Variants in PATJ observed in about 807,000 individuals in gnomAD.
PATJ encodes the protein inaD-like protein.
In PATJ, 190 loss-of-function variants were observed where a neutral mutation model predicts 224.9. That is an observed-to-expected ratio of 0.84 (90% CI 0.75 to 0.95). The LOEUF is 0.95. Among genes scored for constraint, PATJ ranks in the 40% least tolerant of loss-of-function variants. PATJ has a pLI of 0.00. For synonymous variants in PATJ, 769 were observed against 820.3 expected (o/e 0.94, Z 1.07); for missense variants, 2,121 against 2,270.3 (o/e 0.93, Z 1.34).
chr1:62,149,134 A>C (rs1302821841), intron 42 of PATJ, among the ~76,000 whole-genome samples: 3 of 149,168 alleles, frequency 2.0e-5, no homozygotes, highest in African/African-American at 7.5e-5. Flanking sequence ...ATCTCAAAAA[A>C]AAAAAAAAAA....
intron 20 of PATJ, 33 bp downstream of exon 20, chr1:61,864,666 C>A: frequency 6.5e-7 from 1 of 1,546,726 alleles, no homozygotes; most frequent in South Asian, 1.2e-5. Context: ...CCACACCTCC[C>A]CTTCTGCTCT....
rs149708780 is a variant in PATJ at position 61,881,174 on chromosome 1, A to G, written c.2960-3063A>G. Among the ~76,000 whole-genome samples, 585 of 152,252 alleles carry G rather than the reference A, an allele frequency of 3.8e-3. 5 individuals carry two copies. The highest frequency in any genetic ancestry group is 5.9e-3 in the Non-Finnish European group (400 of 68,022). ...CCTAAGGCACTATTTGTTGTTCTCT[A>G]TTTTCTAGAATTACAGACAGAGAAA... On this transcript the variant is annotated intron_variant, in intron 21 of 43. Coordinates refer to ENST00000642238, the MANE Select transcript of PATJ (RefSeq NM_001350145.3).
chr1:61,791,630 G>A (rs1030784316), intron 9 of PATJ, among the ~76,000 whole-genome samples, 183 bp downstream of exon 9: 2 of 152,046 alleles, frequency 1.3e-5, no homozygotes, highest in African/African-American at 4.8e-5. Context: ...TAGTTTTATA[G>A]CTGGCTTGAT....
intron 20 of PATJ, among the ~76,000 whole-genome samples, chr1:61,869,725 G>A (rs995721117): frequency 6.6e-6 from 1 of 152,204 alleles, no homozygotes; most frequent in Non-Finnish European, 1.5e-5. Flanking sequence ...GTGTGTGAGT[G>A]AACAAGGTGG....
chr1:61,967,216 C>CA (rs950885667), intron 27 of PATJ, among the ~76,000 whole-genome samples: 21 of 152,316 alleles, frequency 1.4e-4, no homozygotes, highest in African/African-American at 5.1e-4. Context: ...TTAATACTTG[C>CA]AAATCAAGCA....
chr1:62,097,661 GC>G (rs1048259620), intron 33 of PATJ, among the ~76,000 whole-genome samples: 15 of 152,306 alleles, frequency 9.8e-5, no homozygotes, highest in Middle Eastern at 6.8e-3. Flanking sequence ...ATAATGTAAA[GC>G]AGAAGAACTG....
At chr1:61,920,673 C>T (rs1674161461) in intron 26 of PATJ, among the ~76,000 whole-genome samples, 2 of 146,598 alleles carry the variant, frequency 1.4e-5, no homozygotes, top group Admixed American at 1.4e-4. Flanking sequence ...AGGTCTTTAA[C>T]TTCAGTGAAT....
At chr1:61,931,759 G>C (rs1676059210) in intron 27 of PATJ, among the ~76,000 whole-genome samples, 1 of 152,112 alleles carries the variant, frequency 6.6e-6, no homozygotes, top group Admixed American at 6.5e-5. Context: ...GTGCGACTCT[G>C]TCTCAAAAAT....
chr1:61,939,292 T>C (rs1677391415), intron 27 of PATJ, among the ~76,000 whole-genome samples: 1 of 147,568 alleles, frequency 6.8e-6, no homozygotes, highest in Non-Finnish European at 1.5e-5. Flanking sequence ...TGTGTTTTCT[T>C]ACATAAAAAT....
At chr1:61,954,934 T>C (rs558960707) in intron 27 of PATJ, among the ~76,000 whole-genome samples, 8 of 152,126 alleles carry the variant, frequency 5.3e-5, no homozygotes, top group Admixed American at 3.9e-4. Flanking sequence ...TTTGTATTTT[T>C]AGTAGAGACA....
chr1:61,747,839 T>G (rs1317846760), intron 1 of PATJ, among the ~76,000 whole-genome samples: 1 of 152,260 alleles, frequency 6.6e-6, no homozygotes, highest in African/African-American at 2.4e-5. Flanking sequence ...TAGTTAGGAT[T>G]GAAATGTGCT....
At chr1:62,012,196 G>A (rs1186800532) in intron 28 of PATJ, among the ~76,000 whole-genome samples, 5 of 152,060 alleles carry the variant, frequency 3.3e-5, no homozygotes, top group Admixed American at 1.3e-4. Flanking sequence ...TTTTTATAGA[G>A]ATGGCTGTTA....
intron 8 of PATJ, among the ~76,000 whole-genome samples, chr1:61,789,990 T>TA (rs1357359658): frequency 6.6e-6 from 1 of 152,142 alleles, no homozygotes; most frequent in Non-Finnish European, 1.5e-5. Flanking sequence ...AGCTAAGTAT[T>TA]ATGTATTTAG....
intron 12 of PATJ, among the ~76,000 whole-genome samples, chr1:61,804,366 T>G (rs893182296): frequency 2.6e-5 from 4 of 152,258 alleles, no homozygotes; most frequent in Non-Finnish European, 5.9e-5. Flanking sequence ...TTAAGTTCTT[T>G]AATGTTCATT....
chr1:62,143,768 C>G (rs982078013), intron 41 of PATJ, among the ~76,000 whole-genome samples: 1 of 151,918 alleles, frequency 6.6e-6, no homozygotes, highest in Non-Finnish European at 1.5e-5. Context: ...ATTGTGAGCA[C>G]GTTGGAATGT....
At chr1:62,095,863 C>T (rs1245551161) in intron 33 of PATJ, among the ~76,000 whole-genome samples, 2 of 152,164 alleles carry the variant, frequency 1.3e-5, no homozygotes, top group East Asian at 1.9e-4. Context: ...TTCAACATTG[C>T]TTTATGTATG....
intron 22 of PATJ, among the ~76,000 whole-genome samples, chr1:61,891,873 A>T (rs1669653868): frequency 6.6e-6 from 1 of 152,194 alleles, no homozygotes; most frequent in Non-Finnish European, 1.5e-5. Flanking sequence ...ATCACCCAGA[A>T]AGTCCTCCTG....
chr1:62,067,991 G>A (rs1250282814), intron 31 of PATJ, among the ~76,000 whole-genome samples: 1 of 152,088 alleles, frequency 6.6e-6, no homozygotes, highest in African/African-American at 2.4e-5. Flanking sequence ...TGTAGAGATG[G>A]GGTTTCACCG....
intron 1 of PATJ, among the ~76,000 whole-genome samples, chr1:61,760,334 A>G (rs565605234): frequency 1.3e-5 from 2 of 152,324 alleles, no homozygotes; most frequent in South Asian, 2.1e-4. Context: ...ATCTTGAATT[A>G]GAAGATAAAG....
Sources: gnomAD v4.1 joint callset for allele counts (sites outside exome capture counted in the v4.1 genomes callset) on GRCh38, gnomAD v4.1.1 for gene constraint, MANE v1.5 for transcripts, NCBI Gene and HGNC (gene_info 2026-07-23, HGNC 2026-07-21) for gene names.